USH2A: variants seen among roughly 807,000 people sequenced by gnomAD.
USH2A encodes usherin, also known as Usher syndrome 2A (autosomal recessive, mild).
Under a neutral mutation model 538.9 loss-of-function variants are expected in USH2A, and 443 were observed. The observed-to-expected ratio is 0.82, with a 90% CI of 0.76 to 0.89. The LOEUF (loss-of-function observed/expected upper bound fraction) is 0.89. USH2A is among the 40% of genes least tolerant of loss of function. The pLI, the probability that USH2A is intolerant of heterozygous loss-of-function variation, is 0.00. For synonymous variants in USH2A, 2,413 were observed against 2,273.5 expected (o/e 1.06, Z -1.75); for missense variants, 6,633 against 6,324.8 (o/e 1.05, Z -1.65).
At chr1:216,261,526 G>A (rs2036372014) in intron 11 of USH2A, among the ~76,000 whole-genome samples, 1 of 150,204 alleles carries the variant, frequency 6.7e-6, no homozygotes, top group Non-Finnish European at 1.5e-5. Context: ...CATCAGAAAG[G>A]CTAACAATAA....
At chr1:215,980,416 A>G (rs1571863538) in intron 35 of USH2A, among the ~76,000 whole-genome samples, 1 of 152,156 alleles carries the variant, frequency 6.6e-6, no homozygotes, top group Admixed American at 6.5e-5. Context: ...TATTCTTTCT[A>G]CATTTTAAAA....
intron 64 of USH2A, among the ~76,000 whole-genome samples, chr1:215,654,315 C>A (rs763004126): frequency 2.6e-5 from 4 of 152,146 alleles, no homozygotes; most frequent in Non-Finnish European, 5.9e-5. Flanking sequence ...TGCTATCCCT[C>A]CCCCAGCCTC....
chr1:216,097,243 G>A lies in USH2A; in HGVS notation c.4628-30C>T, dbSNP rs148294837. On this transcript the variant is annotated intron_variant, in intron 21 of 71. Coordinates refer to ENST00000307340, the MANE Select transcript of USH2A (RefSeq NM_206933.4). Reference sequence around the variant, plus strand: ...TAAGACAAGTGTGATCAGCAAATCAGTGCTGGGGTTTTGTTGATTCTTTCT... The same window carrying A: ...TAAGACAAGTGTGATCAGCAAATCAATGCTGGGGTTTTGTTGATTCTTTCT... 1.4e-4 allele frequency: 222 copies of A among 1,613,886 alleles called. 1 individual carries two copies. The African/African-American group carries it at 1.8e-3, about 13-fold the overall frequency.
intron 67 of USH2A, among the ~76,000 whole-genome samples, chr1:215,642,112 G>A (rs1656705554): frequency 6.6e-6 from 1 of 152,136 alleles, no homozygotes; most frequent in Admixed American, 6.5e-5. Context: ...TGTCCTGTAG[G>A]GTTTGGAGAC....
intron 44 of USH2A, among the ~76,000 whole-genome samples, chr1:215,847,753 A>G (rs920954644): frequency 6.6e-6 from 1 of 152,140 alleles, no homozygotes; most frequent in African/African-American, 2.4e-5. Context: ...CTTATATGTG[A>G]GATCCCAGCA....
At chr1:216,004,818 G>A (rs1322828426) in intron 32 of USH2A, among the ~76,000 whole-genome samples, 2 of 152,164 alleles carry the variant, frequency 1.3e-5, no homozygotes, top group East Asian at 3.9e-4. Flanking sequence ...ATGTGAAAGA[G>A]GAGAATCTAG....
At chr1:215,898,831 A>G (rs900792855) in intron 40 of USH2A, among the ~76,000 whole-genome samples, 4 of 152,172 alleles carry the variant, frequency 2.6e-5, no homozygotes, top group Admixed American at 2.0e-4. Flanking sequence ...AGTGTATGTA[A>G]TGTTCCTCCT....
chr1:216,376,766 G>A (rs2038829959), intron 3 of USH2A, among the ~76,000 whole-genome samples: 1 of 152,088 alleles, frequency 6.6e-6, no homozygotes. Flanking sequence ...CCCTCAATAT[G>A]TAGACAGATA....
At chr1:216,271,173 C>G (rs1427732124) in intron 11 of USH2A, among the ~76,000 whole-genome samples, 1 of 151,996 alleles carries the variant, frequency 6.6e-6, no homozygotes, top group African/African-American at 2.4e-5. Flanking sequence ...TAGTGAAGAC[C>G]AAATACCATG....
intron 13 of USH2A, among the ~76,000 whole-genome samples, chr1:216,234,999 A>G (rs1460615520): frequency 6.6e-6 from 1 of 152,154 alleles, no homozygotes; most frequent in Non-Finnish European, 1.5e-5. Flanking sequence ...CCTGATTATA[A>G]AGGTTAATCC....
At chr1:216,396,144 A>G (rs571019313) in intron 3 of USH2A, among the ~76,000 whole-genome samples, 117 of 152,326 alleles carry the variant, frequency 7.7e-4, no homozygotes, top group African/African-American at 2.7e-3. Flanking sequence ...AGTAAATACA[A>G]TATGACTTAA....
chr1:216,362,131 C>T (rs7523456), intron 4 of USH2A, among the ~76,000 whole-genome samples: 59,791 of 151,866 alleles, frequency 0.39, 13,204 homozygotes, highest in African/African-American at 0.61. Context: ...TTTTATTTTG[C>T]TTAAATATTA....
intron 20 of USH2A, among the ~76,000 whole-genome samples, chr1:216,184,649 T>C (rs1189768561): frequency 6.6e-6 from 1 of 151,976 alleles, no homozygotes. Context: ...TTATGCATTA[T>C]GAATAAAAAG....
chr1:215,753,767 A>T (rs1358334808), intron 58 of USH2A, among the ~76,000 whole-genome samples: 2 of 152,174 alleles, frequency 1.3e-5, no homozygotes, highest in African/African-American at 4.8e-5. Context: ...CATATGTAAC[A>T]AACCTGCACG....
At chr1:215,742,049 C>T (rs1250236093) in intron 59 of USH2A, among the ~76,000 whole-genome samples, 1 of 152,164 alleles carries the variant, frequency 6.6e-6, no homozygotes, top group Non-Finnish European at 1.5e-5. Context: ...TGACTTTGTA[C>T]TTGAGTCAAG....
At chr1:215,922,170 T>G (rs921752580) in intron 38 of USH2A, among the ~76,000 whole-genome samples, 5 of 152,132 alleles carry the variant, frequency 3.3e-5, no homozygotes, top group South Asian at 2.1e-4. Context: ...GGGGAAAGAC[T>G]CAGGTTTTAG....
At chr1:216,003,181 C>T (rs1443482158) in intron 32 of USH2A, among the ~76,000 whole-genome samples, 2 of 151,946 alleles carry the variant, frequency 1.3e-5, no homozygotes, top group Non-Finnish European at 2.9e-5. Context: ...TCTCATGTTG[C>T]TTGAGAGGGT....
intron 50 of USH2A, among the ~76,000 whole-genome samples, chr1:215,793,043 T>C (rs1413958292): frequency 1.3e-5 from 2 of 152,182 alleles, no homozygotes; most frequent in Admixed American, 6.6e-5. Context: ...TGGTTTCCAT[T>C]GATTGGACAC....
intron 9 of USH2A, among the ~76,000 whole-genome samples, chr1:216,314,606 G>A (rs887818930): frequency 6.6e-6 from 1 of 152,028 alleles, no homozygotes; most frequent in Non-Finnish European, 1.5e-5. Flanking sequence ...AAAAATAACA[G>A]AAATATTCAT....
Sources: allele counts gnomAD v4.1 joint callset (sites outside exome capture counted in the v4.1 genomes callset), GRCh38; gene constraint gnomAD v4.1.1; transcripts MANE v1.5; gene names NCBI Gene and HGNC (gene_info 2026-07-23, HGNC 2026-07-21).